LGI1: variants seen among roughly 807,000 people sequenced by gnomAD.
LGI1 encodes the protein leucine-rich glioma-inactivated protein 1.
Under a neutral mutation model 57.7 loss-of-function variants are expected in LGI1, and 11 were observed. That is an observed-to-expected ratio of 0.19 (90% CI 0.12 to 0.32). The LOEUF (loss-of-function observed/expected upper bound fraction) is 0.32. Ranked by LOEUF, LGI1 falls within the 10% of genes least tolerant of loss-of-function variation. The pLI is 1.00. For missense variants in LGI1, 422 were observed against 661.9 expected (o/e 0.64, Z 3.98); for synonymous variants, 222 against 241.9 (o/e 0.92, Z 0.76).
chr10:93,793,158 A>G (rs367963882), intron 6 of LGI1, 28 bp from the exon 7 acceptor site: 17 of 1,576,030 alleles, frequency 1.1e-5, no homozygotes, highest in African/African-American at 6.8e-5. Flanking sequence ...ATTAGCTCAC[A>G]GTTACTTATT....
At chr10:93,780,474 C>T (rs2059837330) in intron 4 of LGI1, 1 of 152,200 alleles carries the variant, frequency 6.6e-6, no homozygotes, top group South Asian at 2.1e-4. Context: ...TCAAGGCAAA[C>T]ATTCAAGCTG....
intron 7 of LGI1, among the ~76,000 whole-genome samples, chr10:93,794,386 T>G (rs11187670): frequency 9.2e-6 from 1 of 108,114 alleles, no homozygotes; most frequent in East Asian, 2.7e-4. Flanking sequence ...TTTTTTGAGA[T>G]GGAGTCTTGC....
chr10:93,778,687 A>T (rs994047759), intron 4 of LGI1: 3 of 152,206 alleles, frequency 2.0e-5, no homozygotes, highest in African/African-American at 7.2e-5. Flanking sequence ...TCTACCTAAT[A>T]TGTATCTTAT....
intron 4 of LGI1, chr10:93,782,977 C>T (rs1296465724): frequency 1.3e-5 from 2 of 152,254 alleles, no homozygotes; most frequent in Non-Finnish European, 2.9e-5. Flanking sequence ...AAATGGTCAT[C>T]ATTTCTGTGA....
In LGI1 at chr10:93,797,465, A is replaced by G. The variant is rs769204967; in HGVS notation, c.1336A>G (p.Ile446Val). 1.2e-6 allele frequency: 2 copies of G among 1,614,094 alleles called. No homozygotes were observed. Among genetic ancestry groups the G allele is most frequent in the African/African-American group, 2.7e-5 (2 of 74,940 alleles). Residue 446 changes from isoleucine (I) to valine (V), a missense_variant, in exon 8 of 8, where the codon ATT becomes GTT. By Grantham distance (29) the Ile-to-Val change is conservative (BLOSUM62 3). Around this residue, in one of 3 missense-constraint regions of LGI1, gnomAD observed 301 missense variants for 461.7 expected, o/e 0.65. Coordinates refer to ENST00000371418, the MANE Select transcript of LGI1 (RefSeq NM_005097.4). This position sits in a 1 kb window ranked among gnomAD's most constrained non-coding sequence, Gnocchi z 6.5. Reference sequence around the variant, plus strand: ...CTTCTCAGTGAAAGGGGACGTGTACATTTGCTTGACAAGATTCATTGGTGA... The same window carrying G: ...CTTCTCAGTGAAAGGGGACGTGTACGTTTGCTTGACAAGATTCATTGGTGA... ...KHFSVKGDVY[I>V]CLTRFIGDSK...
intron 7 of LGI1, among the ~76,000 whole-genome samples, chr10:93,796,096 A>G (rs2059977372): frequency 6.6e-6 from 1 of 152,256 alleles, no homozygotes; most frequent in Non-Finnish European, 1.5e-5. Context: ...TAGGCCACTG[A>G]CAGATCCCAC....
At chr10:93,777,647 A>C (rs1390394924) in intron 4 of LGI1, 30 bp downstream of exon 4, 1 of 1,561,242 alleles carries the variant, frequency 6.4e-7, no homozygotes, top group African/African-American at 1.4e-5. Flanking sequence ...TTACTTTTTA[A>C]GCTTGCTAAT....
rs551363512 is a variant in LGI1, at chr10:93,787,533, G to A, written c.432-2566G>A. On this transcript the variant is annotated intron_variant, in intron 4 of 7. Transcript: ENST00000371418. ...GCTCTGTTTTGCCATCTGTTCTGTG[G>A]TTAGCTTGCACGTGGATCATGTGAG... is the stretch of plus-strand genomic sequence containing the variant. 2.6e-5 allele frequency among the ~76,000 whole-genome samples: 4 copies of A among 152,272 alleles called. No homozygotes were observed. In the South Asian group the frequency reaches 6.2e-4, roughly 24 times the overall value.
chr10:93,779,724 G>C (rs2059830133), intron 4 of LGI1, among the ~76,000 whole-genome samples: 1 of 152,164 alleles, frequency 6.6e-6, no homozygotes, highest in African/African-American at 2.4e-5. Context: ...GACTGATACA[G>C]AACACGCTTA....
chr10:93,760,071 C>T (rs1338733231), intron 2 of LGI1, among the ~76,000 whole-genome samples: 1 of 152,224 alleles, frequency 6.6e-6, no homozygotes, highest in Non-Finnish European at 1.5e-5. Context: ...AAAAGTCACT[C>T]ATCTATTGTT....
In LGI1 at chr10:93,758,075, C is replaced by G; in HGVS notation, c.-70C>G. On this transcript the variant is annotated 5_prime_UTR_variant, in exon 1 of 8. Coordinates refer to ENST00000371418, the MANE Select transcript of LGI1 (RefSeq NM_005097.4). This position sits in a 1 kb window ranked among gnomAD's most constrained non-coding sequence, Gnocchi z 4.7. ...AGGGTGGACTCCTATGTGACCTGTTCTTAGAGCAAGACAATCACCATCTGA... is the reference window on the plus strand; with the variant it reads ...AGGGTGGACTCCTATGTGACCTGTTGTTAGAGCAAGACAATCACCATCTGA... 2 of 1,421,102 alleles carry G rather than the reference C, an allele frequency of 1.4e-6. No homozygotes were observed. The highest frequency in any genetic ancestry group is 2.0e-6 in the Non-Finnish European group (2 of 1,009,950). The allele number at this position is 1,421,102 out of a possible 1,614,324, so 88.0% of individuals were successfully genotyped here.
At chr10:93,792,520 G>A (rs1399120254) in intron 5 of LGI1, 5 of 606,336 alleles carry the variant, frequency 8.2e-6, no homozygotes, top group African/African-American at 1.8e-5. Context: ...ATTCAAGAGG[G>A]AGTAAGTGAT....
At chr10:93,789,819 C>A in intron 4 of LGI1, 1 of 367,012 alleles carries the variant, frequency 2.7e-6, no homozygotes. Flanking sequence ...TTTCAGTGAG[C>A]TGAGGTCACA....
chr10:93,767,245 G>A (rs2059689172), intron 2 of LGI1: 1 of 152,052 alleles, frequency 6.6e-6, no homozygotes. Context: ...CAAAAATAGA[G>A]AGAAAGAAAA....
chr10:93,789,797 G>C (rs1473943830), intron 4 of LGI1: 1 of 293,692 alleles, frequency 3.4e-6, no homozygotes, highest in Non-Finnish European at 6.3e-6. Context: ...ACTTGAACCC[G>C]GGAGGCAGAG....
chr10:93,779,454 A>G (rs2134004344), intron 4 of LGI1, among the ~76,000 whole-genome samples: 2 of 138,332 alleles, frequency 1.4e-5, no homozygotes, highest in African/African-American at 5.4e-5. Flanking sequence ...AGGGGAGGGG[A>G]AAGGAGGGAA....
chr10:93,772,667 A>G (rs1210152633), intron 2 of LGI1: 1 of 152,188 alleles, frequency 6.6e-6, no homozygotes, highest in Non-Finnish European at 1.5e-5. Flanking sequence ...ATGCTTATGC[A>G]TATCAGTGTC....
Position 93,761,320 on chromosome 10 carries a change from C to A in LGI1, c.287+2489C>A, listed in dbSNP as rs113429652. 8.1e-3 allele frequency among the ~76,000 whole-genome samples: 1,230 copies of A among 152,282 alleles called. 12 individuals are homozygous for A. Among genetic ancestry groups the A allele is most frequent in the African/African-American group, 0.028 (1,176 of 41,552 alleles). On this transcript the variant is annotated intron_variant, in intron 2 of 7. Coordinates refer to ENST00000371418, the MANE Select transcript of LGI1 (RefSeq NM_005097.4). ...CATTGAGGTTTGCAATGAATTCCAA[C>A]AGCATTTGTGATTGTGAATTGCCAC...
intron 2 of LGI1, among the ~76,000 whole-genome samples, chr10:93,762,291 C>T (rs1328215001): frequency 1.3e-5 from 2 of 152,028 alleles, no homozygotes; most frequent in Admixed American, 6.6e-5. Context: ...AGGGGAATAG[C>T]GTTATTTTAA....
Sources: allele counts gnomAD v4.1 joint callset (sites outside exome capture counted in the v4.1 genomes callset), GRCh38; gene constraint gnomAD v4.1.1; regional missense constraint gnomAD v4.1.1; non-coding constraint Gnocchi (gnomAD v3.1); transcripts MANE v1.5; gene names NCBI Gene and HGNC (gene_info 2026-07-23, HGNC 2026-07-21).